Variants in PUS10 observed in about 807,000 individuals in gnomAD.
PUS10 encodes the protein pseudouridine synthase 10, also known as tRNA pseudouridine synthase Pus10.
PUS10 carries 59 observed loss-of-function variants against 75.0 expected under a neutral mutation model. The ratio of observed to expected loss-of-function variants is 0.79; its 90% CI spans 0.64 to 0.98. PUS10 has a LOEUF of 0.98. Ranked by LOEUF, PUS10 falls within the 50% of genes least tolerant of loss-of-function variation. The probability of loss-of-function intolerance (pLI) is 0.00; values close to 1 mark genes in which losing one functional copy is unlikely to be tolerated. For missense variants in PUS10, 650 were observed against 614.4 expected (o/e 1.06, Z -0.61); for synonymous variants, 219 against 211.6 (o/e 1.03, Z -0.30).
intron 15 of PUS10, 126 bp from the exon 16 acceptor site, chr2:60,948,311 G>A (rs1558864451): frequency 2.2e-6 from 2 of 894,870 alleles, no homozygotes; most frequent in Non-Finnish European, 1.8e-6. Flanking sequence ...AAAATGAATT[G>A]TGTCCCCTTA....
At chr2:60,986,937 G>T (rs2104531737) in intron 4 of PUS10, among the ~76,000 whole-genome samples, 1 of 152,292 alleles carries the variant, frequency 6.6e-6, no homozygotes, top group African/African-American at 2.4e-5. Flanking sequence ...TGTAAAATTG[G>T]AAGTTTAAAT....
intron 4 of PUS10, among the ~76,000 whole-genome samples, chr2:60,991,485 C>A (rs1678074033): frequency 1.3e-5 from 2 of 152,110 alleles, no homozygotes. Flanking sequence ...GAGAGAGAGT[C>A]TCACTCTGTC....
At chr2:61,001,111 C>T (rs888738369) in intron 4 of PUS10, among the ~76,000 whole-genome samples, 2 of 152,190 alleles carry the variant, frequency 1.3e-5, no homozygotes, top group Non-Finnish European at 2.9e-5. Context: ...CTATATCATG[C>T]ATCAGCAGTA....
At chr2:60,985,749 T>C (rs1319016574) in intron 4 of PUS10, among the ~76,000 whole-genome samples, 2 of 152,104 alleles carry the variant, frequency 1.3e-5, no homozygotes, top group East Asian at 1.9e-4. Context: ...AATCCACCCA[T>C]CTAGCTTCCT....
rs780368001 is a variant in PUS10, at chr2:60,955,042, C to T, written c.1033G>A (p.Val345Ile). The T allele has an allele frequency of 2.5e-6, 4 of 1,596,720 alleles. No individual in the cohort carries two copies. The highest frequency in any genetic ancestry group is 3.4e-6 in the Non-Finnish European group (4 of 1,171,674). Residue 345 changes from valine to isoleucine, a missense_variant, in exon 12 of 18, where the codon GTA (valine) becomes ATA (isoleucine). By Grantham distance (29) the Val-to-Ile change is conservative (BLOSUM62 3). Transcript: ENST00000316752. ...CCATTTCCTAATGTTCTCACATCTACATCTTCTCTTCCAGAGGATGAAAAA... is the reference window on the plus strand; with the variant it reads ...CCATTTCCTAATGTTCTCACATCTATATCTTCTCTTCCAGAGGATGAAAAA... ...FNFSSSGRED[V>I]DVRTLGNGRP... is the part of the protein sequence containing the mutation.
At chr2:61,010,856 T>C (rs954859905) in intron 2 of PUS10, 11 of 1,550,264 alleles carry the variant, frequency 7.1e-6, no homozygotes, top group Middle Eastern at 1.7e-4. Context: ...TTTGGGCAGG[T>C]TGCTTAACCT....
intron 2 of PUS10, chr2:61,010,811 C>G (rs1483728354): frequency 6.4e-7 from 1 of 1,550,394 alleles, no homozygotes; most frequent in South Asian, 1.2e-5. Flanking sequence ...TCAGACTGTT[C>G]AAATCCTAGC....
chr2:60,989,359 T>G (rs1047936532), intron 4 of PUS10, among the ~76,000 whole-genome samples: 1 of 152,160 alleles, frequency 6.6e-6, no homozygotes, highest in South Asian at 2.1e-4. Flanking sequence ...TTCCTGGAGA[T>G]GGTAAAATGA....
intron 4 of PUS10, among the ~76,000 whole-genome samples, chr2:60,987,951 T>C (rs1000530416): frequency 6.7e-6 from 1 of 149,488 alleles, no homozygotes; most frequent in African/African-American, 2.5e-5. Flanking sequence ...TAGCCAGGCA[T>C]GGTGGCACAC....
At chr2:60,985,128 G>A (rs942909483) in intron 4 of PUS10, among the ~76,000 whole-genome samples, 7 of 152,194 alleles carry the variant, frequency 4.6e-5, no homozygotes, top group African/African-American at 1.7e-4. Context: ...GTTATCTTTT[G>A]TATAACAGTA....
chr2:60,992,070 G>A (rs964360595), intron 4 of PUS10, among the ~76,000 whole-genome samples: 1 of 150,640 alleles, frequency 6.6e-6, no homozygotes, highest in Admixed American at 6.6e-5. Context: ...GGAGTATAGT[G>A]GTGCGATCTC....
At chr2:60,993,607 T>C (rs1678255265) in intron 4 of PUS10, among the ~76,000 whole-genome samples, 1 of 152,178 alleles carries the variant, frequency 6.6e-6, no homozygotes, top group Middle Eastern at 3.2e-3. Flanking sequence ...CATTTCCACC[T>C]GGGGCCTTGA....
At chr2:61,008,536 G>T (rs1416828867) in intron 3 of PUS10, among the ~76,000 whole-genome samples, 1 of 152,104 alleles carries the variant, frequency 6.6e-6, no homozygotes, top group Non-Finnish European at 1.5e-5. Context: ...GTGCATGCCT[G>T]TAGTCCTAGC....
chr2:60,989,213 T>C (rs1014848022), intron 4 of PUS10, among the ~76,000 whole-genome samples: 1 of 152,068 alleles, frequency 6.6e-6, no homozygotes, highest in African/African-American at 2.4e-5. Flanking sequence ...ATTCTGGAAG[T>C]GGTGGTGGAA....
In PUS10 at chr2:60,965,495, T is replaced by C. The variant is rs899032805; in HGVS notation, c.616-11A>G. Reference sequence around the variant, plus strand: ...CACTTCAAACAAGCTCTAAAAATTATAAAGACAGTTTAAAAATGAGCAAAA... The same window carrying C: ...CACTTCAAACAAGCTCTAAAAATTACAAAGACAGTTTAAAAATGAGCAAAA... On this transcript the variant is annotated splice_polypyrimidine_tract_variant and intron_variant, in intron 6 of 17. Coordinates refer to ENST00000316752, the MANE Select transcript of PUS10 (RefSeq NM_144709.4). The C allele has an allele frequency of 6.3e-7, 1 of 1,589,972 alleles. No homozygotes were observed. Among genetic ancestry groups the C allele is most frequent in the Non-Finnish European group, 8.5e-7 (1 of 1,170,068 alleles).
chr2:60,980,862 T>C (rs929403853), intron 4 of PUS10, among the ~76,000 whole-genome samples: 5 of 152,218 alleles, frequency 3.3e-5, no homozygotes, highest in African/African-American at 1.2e-4. Flanking sequence ...TGTAGATCAG[T>C]GGTTCTCTAA....
chr2:60,943,129 ATTC>A (rs1388110752), intron 17 of PUS10, among the ~76,000 whole-genome samples: 1 of 151,810 alleles, frequency 6.6e-6, no homozygotes, highest in East Asian at 1.9e-4. Flanking sequence ...AGAAACTTTT[ATTC>A]TTCTGATCAT....
chr2:60,974,266 A>AGTG (rs1226951961), intron 4 of PUS10, among the ~76,000 whole-genome samples: 1 of 126,292 alleles, frequency 7.9e-6, no homozygotes, highest in Non-Finnish European at 1.6e-5. Context: ...ACCAGGCTGG[A>AGTG]GTGCAGTGGT....
At chr2:60,988,564 T>A (rs1382998664) in intron 4 of PUS10, among the ~76,000 whole-genome samples, 1 of 152,148 alleles carries the variant, frequency 6.6e-6, no homozygotes, top group Non-Finnish European at 1.5e-5. Context: ...ATGCAAAAAT[T>A]TTATCTTAAA....
Sources: allele counts gnomAD v4.1 joint callset (sites outside exome capture counted in the v4.1 genomes callset), GRCh38; gene constraint gnomAD v4.1.1; transcripts MANE v1.5; gene names NCBI Gene and HGNC (gene_info 2026-07-23, HGNC 2026-07-21).